Variants in ASCC2 observed in about 807,000 individuals in gnomAD.
The protein encoded by ASCC2 is ASC-1 complex subunit P100.
A neutral mutation model predicts 93.5 loss-of-function variants in ASCC2; 42 were observed. That is an observed-to-expected ratio of 0.45 (90% CI 0.35 to 0.58). The LOEUF (loss-of-function observed/expected upper bound fraction) is 0.58. Ranked by LOEUF, ASCC2 falls within the 20% of genes least tolerant of loss-of-function variation. The pLI is 0.00. For synonymous variants in ASCC2, 364 were observed against 384.2 expected, an observed-to-expected ratio of 0.95 and a Z score of 0.62; for missense variants, 859 against 977.6, an observed-to-expected ratio of 0.88 and a Z score of 1.62.
intron 1 of ASCC2, among the ~76,000 whole-genome samples, chr22:29,835,462 C>T (rs1262701714): frequency 6.6e-6 from 1 of 151,936 alleles, no homozygotes; most frequent in Non-Finnish European, 1.5e-5. Context: ...AAACCATTGC[C>T]TGCCAGGGCA....
chr22:29,797,815 G>T (rs1029489445), intron 15 of ASCC2, among the ~76,000 whole-genome samples: 4 of 152,054 alleles, frequency 2.6e-5, no homozygotes, highest in Admixed American at 2.0e-4. Context: ...GCCCAGGATG[G>T]CGTGCAATGG....
At chr22:29,789,818 T>G (rs139347883) in intron 19 of ASCC2, among the ~76,000 whole-genome samples, 8 of 152,342 alleles carry the variant, frequency 5.3e-5, no homozygotes, top group African/African-American at 1.4e-4. Context: ...AGGGCCGGGA[T>G]GCGGGAGTGG....
intron 13 of ASCC2, among the ~76,000 whole-genome samples, chr22:29,803,350 G>A (rs1472076232): frequency 6.6e-6 from 1 of 151,862 alleles, no homozygotes; most frequent in Non-Finnish European, 1.5e-5. Flanking sequence ...CTTACCAGCT[G>A]GGCTACTGGC....
intron 6 of ASCC2, 65 bp from the exon 7 acceptor site, chr22:29,814,832 G>T: frequency 7.4e-7 from 1 of 1,344,262 alleles, no homozygotes; most frequent in Non-Finnish European, 1.0e-6. Context: ...CCTGGCAGCA[G>T]CCAGGGTCAG....
At position 29,811,917 on chromosome 22, in the gene ASCC2, C is replaced by T. The variant is rs534945886; in HGVS notation, c.833+1513G>A. On this transcript the variant is annotated intron_variant, in intron 8 of 19. Coordinates refer to ENST00000307790, the MANE Select transcript of ASCC2 (RefSeq NM_032204.5). The stretch of plus-strand genomic sequence containing the variant: ...GATTTCTTATGGTGATTTTAATTTC[C>T]TACTTTTCTGGATTTTCCAAATGTT... Among the ~76,000 whole-genome samples the T allele has an allele frequency of 2.0e-5, 3 of 152,312 alleles. No individual in the cohort carries two copies. The East Asian group carries it at 5.8e-4, about 29-fold the overall frequency.
In ASCC2 at chr22:29,821,996, C is replaced by CTTT. The variant is rs200888756; in HGVS notation, c.541+336_541+338dup. 6.0e-4 allele frequency: 242 copies of CTTT among 401,732 alleles called. 2 individuals are homozygous for CTTT. Among genetic ancestry groups the CTTT allele is most frequent in the Non-Finnish European group, 7.6e-4 (154 of 202,040 alleles). 24.9% of individuals were successfully genotyped at this position (401,732 alleles called of 1,614,324 possible). ...CCTGAGTGACAGAGCAAGGCTTTGT[C>CTTT]TTTTTTCTTTTTTTTTGAGATGGAG... On this transcript the variant is annotated intron_variant, in intron 5 of 19. Transcript: ENST00000307790.
intron 4 of ASCC2, among the ~76,000 whole-genome samples, chr22:29,824,729 A>G: frequency 6.7e-6 from 1 of 150,182 alleles, no homozygotes; most frequent in East Asian, 1.9e-4. Context: ...TAGCAGTATT[A>G]TTTTTAAAGT....
At chr22:29,828,178 G>A (rs955945118) in intron 2 of ASCC2, among the ~76,000 whole-genome samples, 12 of 152,184 alleles carry the variant, frequency 7.9e-5, no homozygotes, top group East Asian at 3.8e-4. Context: ...CCAAGCATTC[G>A]AGGATAAGGA....
chr22:29,795,604 T>C (rs2058333204), intron 15 of ASCC2, among the ~76,000 whole-genome samples: 1 of 152,164 alleles, frequency 6.6e-6, no homozygotes, highest in South Asian at 2.1e-4. Context: ...CAGCTCAAGT[T>C]TCCATGTAAA....
At chr22:29,814,561 G>T in intron 7 of ASCC2, 96 bp downstream of exon 7, 1 of 975,278 alleles carries the variant, frequency 1.0e-6, no homozygotes. Context: ...GAGGCCACTG[G>T]GTCCTCTACT....
chr22:29,821,610 A>T (rs557701988), intron 5 of ASCC2, among the ~76,000 whole-genome samples: 1 of 152,366 alleles, frequency 6.6e-6, no homozygotes, highest in East Asian at 1.9e-4. Context: ...TCTCCAATAA[A>T]GGTTAGCTTA....
Position 29,822,473 on chromosome 22 carries a change from A to G in ASCC2, c.412-9T>C. On this transcript the variant is annotated splice_polypyrimidine_tract_variant and intron_variant, in intron 4 of 19. Coordinates refer to ENST00000307790, the MANE Select transcript of ASCC2 (RefSeq NM_032204.5). ...GGGGAAATGAAGTGATCCTAAGGAA[A>G]AATGCAGAGAGAAAGGATAGAGATT... is the stretch of plus-strand genomic sequence containing the variant. 1.9e-6 allele frequency: 3 copies of G among 1,613,350 alleles called. No individual in the cohort carries two copies. The highest frequency in any genetic ancestry group is 8.5e-7 in the Non-Finnish European group (1 of 1,179,668).
At position 29,812,202 on chromosome 22, in the gene ASCC2, C is replaced by A. The variant is rs531211115; in HGVS notation, c.833+1228G>T. ...GTGAGTAAATGACAGAATGGACAGG[C>A]AGCTGAATGGATGGAGTTGGGCAGC... On this transcript the variant is annotated intron_variant, in intron 8 of 19. Coordinates refer to ENST00000307790, the MANE Select transcript of ASCC2 (RefSeq NM_032204.5). Among the ~76,000 whole-genome samples the A allele has an allele frequency of 2.0e-5, 3 of 152,294 alleles. No individual in the cohort carries two copies. The South Asian group carries it at 6.2e-4, about 32-fold the overall frequency.
At chr22:29,797,304 T>G (rs2058563309) in intron 15 of ASCC2, among the ~76,000 whole-genome samples, 1 of 152,124 alleles carries the variant, frequency 6.6e-6, no homozygotes, top group Admixed American at 6.5e-5. Flanking sequence ...CTTCCTCATC[T>G]CCTCAAGCCT....
rs2058003194 is a variant in ASCC2 at position 29,793,284 on chromosome 22, T to C, written c.1919+76A>G. On this transcript the variant is annotated intron_variant, in intron 17 of 19. Transcript: ENST00000307790. ...GGGCCCTGGATCTGCCACATCTGTG[T>C]AAACAAGTGGGTGAGGGAGCCCCAT... is the stretch of plus-strand genomic sequence containing the variant. 34 of 1,587,410 alleles carry C rather than the reference T, an allele frequency of 2.1e-5. No individual in the cohort carries two copies. The South Asian group carries it at 3.6e-4, about 17-fold the overall frequency.
At chr22:29,808,313 C>T in intron 8 of ASCC2, 128 bp from the exon 9 acceptor site, 2 of 960,324 alleles carry the variant, frequency 2.1e-6, no homozygotes, top group Non-Finnish European at 3.1e-6. Flanking sequence ...TCCAGGGACC[C>T]CTTGGTTCTT....
intron 4 of ASCC2, among the ~76,000 whole-genome samples, chr22:29,824,512 G>A (rs902132529): frequency 6.6e-5 from 10 of 151,954 alleles, no homozygotes; most frequent in African/African-American, 2.4e-4. Flanking sequence ...CTATTTGGGA[G>A]GCTGAGATGG....
chr22:29,837,351 TG>T (rs1373049353), intron 1 of ASCC2, among the ~76,000 whole-genome samples: 1 of 151,942 alleles, frequency 6.6e-6, no homozygotes, highest in Non-Finnish European at 1.5e-5. Flanking sequence ...GAGAATCGCT[TG>T]AACCCGGGAG....
At chr22:29,794,396 C>A (rs5763498) in intron 15 of ASCC2, among the ~76,000 whole-genome samples, 3 of 151,798 alleles carry the variant, frequency 2.0e-5, no homozygotes, top group Non-Finnish European at 4.4e-5. Context: ...GGAGGCTGAG[C>A]CAGGAGAATC....
Sources: gnomAD v4.1 joint callset for allele counts (sites outside exome capture counted in the v4.1 genomes callset) on GRCh38, gnomAD v4.1.1 for gene constraint, MANE v1.5 for transcripts, NCBI Gene and HGNC (gene_info 2026-07-23, HGNC 2026-07-21) for gene names.